Variants in ANKS1A observed in about 807,000 individuals in gnomAD.
ANKS1A encodes the protein ankyrin repeat and sterile alpha motif domain containing 1A, also known as ankyrin repeat and SAM domain-containing protein 1A.
A neutral mutation model predicts 120.3 loss-of-function variants in ANKS1A; 55 were observed. The ratio of observed to expected loss-of-function variants is 0.46; its 90% CI spans 0.37 to 0.57. The LOEUF (loss-of-function observed/expected upper bound fraction) is 0.57, where lower values mean the gene tolerates loss of function less well. Ranked by LOEUF, ANKS1A falls within the 20% of genes least tolerant of loss-of-function variation. The pLI is 0.00. For missense variants in ANKS1A, 1,123 were observed against 1,480.3 expected (o/e 0.76, Z 3.96); for synonymous variants, 590 against 604.7 (o/e 0.98, Z 0.36).
Position 35,091,328 on chromosome 6 carries a change from A to C in ANKS1A, c.*2719A>C. On this transcript the variant is annotated 3_prime_UTR_variant, in exon 24 of 24. Coordinates refer to ENST00000360359, the MANE Select transcript of ANKS1A (RefSeq NM_015245.3). ...AGAGTGTAAATATTTCTGGGCTTCC[A>C]GCTTTGGTTTTGTTATTTTCATAAC... The C allele has an allele frequency of 1.0e-6, 1 of 985,758 alleles. No individual in the cohort carries two copies. The highest frequency in any genetic ancestry group is 4.7e-5 in the South Asian group (1 of 21,290). 61.1% of individuals were successfully genotyped at this position (985,758 alleles called of 1,614,324 possible).
chr6:34,898,962 T>C (rs910433002), intron 1 of ANKS1A, among the ~76,000 whole-genome samples: 1 of 152,186 alleles, frequency 6.6e-6, no homozygotes, highest in Non-Finnish European at 1.5e-5. Flanking sequence ...TGCATGTGGA[T>C]AAGTTTGTGT....
intron 1 of ANKS1A, among the ~76,000 whole-genome samples, chr6:34,916,244 C>T (rs111905213): frequency 1.1e-4 from 16 of 152,156 alleles, no homozygotes; most frequent in African/African-American, 3.6e-4. Context: ...CCATCTGCCT[C>T]GGCCTCCTAA....
intron 3 of ANKS1A, among the ~76,000 whole-genome samples, chr6:34,976,720 T>C (rs899620607): frequency 1.3e-5 from 2 of 152,122 alleles, no homozygotes; most frequent in African/African-American, 2.4e-5. Flanking sequence ...TACACTCTTC[T>C]TGATACTACA....
At position 35,091,073 on chromosome 6, in the gene ANKS1A, A is replaced by C. The variant is rs983917867; in HGVS notation, c.*2464A>C. On this transcript the variant is annotated 3_prime_UTR_variant, in exon 24 of 24. Transcript: ENST00000360359. ...GGTCTGTCTTTGAGATGCCCAGGCC[A>C]GCAGAAAGCAGCTCAGAAGTATTGT... is the stretch of plus-strand genomic sequence containing the variant. 1.0e-6 allele frequency: 1 copy of C among 985,818 alleles called. No individual in the cohort carries two copies. Among genetic ancestry groups the C allele is most frequent in the African/African-American group, 1.7e-5 (1 of 57,264 alleles). The allele number at this position is 985,818 out of a possible 1,614,324, so 61.1% of individuals were successfully genotyped here.
chr6:34,889,369 CG>C lies in ANKS1A; in HGVS notation c.-30del. ...GCCCGAGCAGGCTCGGCTGCAGCCTCGGGGAGGGGGTCCAGCGGGTGGCGGC... is the reference window on the plus strand; with the variant it reads ...GCCCGAGCAGGCTCGGCTGCAGCCTCGGGAGGGGGTCCAGCGGGTGGCGGC... On this transcript the variant is annotated 5_prime_UTR_variant, in exon 1 of 24. Coordinates refer to ENST00000360359, the MANE Select transcript of ANKS1A (RefSeq NM_015245.3). This position sits in a 1 kb window ranked among gnomAD's most constrained non-coding sequence, Gnocchi z 5.5. 8.0e-7 allele frequency: 1 copy of C among 1,248,572 alleles called. No homozygotes were observed. The highest frequency in any genetic ancestry group is 1.0e-6 in the Non-Finnish European group (1 of 998,690). 77.3% of individuals were successfully genotyped at this position (1,248,572 alleles called of 1,614,324 possible). A position where few individuals can be genotyped will look rare whatever the true frequency, so the allele number is the denominator to read the frequency against.
chr6:35,004,409 G>T (rs1421467685), intron 10 of ANKS1A, among the ~76,000 whole-genome samples: 1 of 151,602 alleles, frequency 6.6e-6, no homozygotes, highest in East Asian at 1.9e-4. Flanking sequence ...AATCACTTGA[G>T]CCCAGGAGCT....
chr6:35,037,528 C>T (rs1218569857), intron 11 of ANKS1A, among the ~76,000 whole-genome samples: 1 of 152,190 alleles, frequency 6.6e-6, no homozygotes, highest in Non-Finnish European at 1.5e-5. Context: ...CAGCAGGTTA[C>T]CCCTTGGGCC....
intron 10 of ANKS1A, among the ~76,000 whole-genome samples, chr6:35,003,625 C>G (rs978837978): frequency 2.6e-5 from 4 of 152,150 alleles, no homozygotes; most frequent in African/African-American, 9.7e-5. Context: ...GTAATAGGAA[C>G]CTGCTTACTG....
At chr6:34,939,269 T>C (rs1769412455) in intron 1 of ANKS1A, among the ~76,000 whole-genome samples, 2 of 152,152 alleles carry the variant, frequency 1.3e-5, no homozygotes, top group African/African-American at 4.8e-5. Context: ...CAGATCAGAA[T>C]GCACACCTCC....
rs190660942 is a variant in ANKS1A at position 34,934,966 on chromosome 6, C to T, written c.198-32273C>T. Among the ~76,000 whole-genome samples, 34 of 152,278 alleles carry T rather than the reference C, an allele frequency of 2.2e-4. No individual in the cohort carries two copies. In the East Asian group the frequency reaches 6.5e-3, roughly 29 times the overall value. ...TTTGTTTTTATTTTCCTTCTTAGAA[C>T]AGTGGCCATGTGAAGCCATTCATAT... On this transcript the variant is annotated intron_variant, in intron 1 of 23. Transcript: ENST00000360359.
At chr6:35,013,758 T>C (rs1230579976) in intron 10 of ANKS1A, among the ~76,000 whole-genome samples, 1 of 152,210 alleles carries the variant, frequency 6.6e-6, no homozygotes, top group Non-Finnish European at 1.5e-5. Context: ...CTGTTCAGAG[T>C]TATAAGGATG....
chr6:34,963,274 C>T (rs2127503309), intron 1 of ANKS1A, among the ~76,000 whole-genome samples: 1 of 152,278 alleles, frequency 6.6e-6, no homozygotes, highest in East Asian at 1.9e-4. Context: ...CCAACATCTC[C>T]CCAACATCAC....
intron 10 of ANKS1A, among the ~76,000 whole-genome samples, chr6:35,013,244 A>G (rs1440498663): frequency 3.3e-5 from 5 of 152,176 alleles, no homozygotes; most frequent in Non-Finnish European, 7.3e-5. Context: ...CATATGATTT[A>G]TGCCTGTCTT....
At chr6:34,954,506 C>T (rs1770249779) in intron 1 of ANKS1A, among the ~76,000 whole-genome samples, 2 of 152,164 alleles carry the variant, frequency 1.3e-5, no homozygotes, top group South Asian at 2.1e-4. Context: ...GAAGAAGGAA[C>T]TCCTTGCTGG....
In ANKS1A at chr6:35,082,963, G is replaced by A; in HGVS notation, c.2835+147G>A. 7.1e-7 allele frequency: 1 copy of A among 1,399,060 alleles called. No homozygotes were observed. Among genetic ancestry groups the A allele is most frequent in the Non-Finnish European group, 9.6e-7 (1 of 1,042,402 alleles). 86.7% of individuals were successfully genotyped at this position (1,399,060 alleles called of 1,614,324 possible). A position where few individuals can be genotyped will look rare whatever the true frequency, so the allele number is the denominator to read the frequency against. On this transcript the variant is annotated intron_variant, in intron 18 of 23. Coordinates refer to ENST00000360359, the MANE Select transcript of ANKS1A (RefSeq NM_015245.3). The surrounding 1 kb of genome is among the most constrained non-coding windows in gnomAD (Gnocchi z 4.1). Reference sequence around the variant, plus strand: ...ACTCTCAGCCACTCTTGACAGCTAAGGCGAAGGGGTGGAGGCCTCTGGATC... The same window carrying A: ...ACTCTCAGCCACTCTTGACAGCTAAAGCGAAGGGGTGGAGGCCTCTGGATC...
intron 1 of ANKS1A, among the ~76,000 whole-genome samples, chr6:34,900,237 T>C (rs1767281839): frequency 6.6e-6 from 1 of 152,210 alleles, no homozygotes. Flanking sequence ...TCCAAAACTT[T>C]TGCTTATAAA....
rs1278795606 is a variant in ANKS1A, at chr6:35,086,532, T to C, written c.3304-420T>C. Among the ~76,000 whole-genome samples the C allele has an allele frequency of 6.6e-6, 1 of 151,946 alleles. No homozygotes were observed. Among genetic ancestry groups the C allele is most frequent in the African/African-American group, 2.4e-5 (1 of 41,348 alleles). On this transcript the variant is annotated intron_variant, in intron 22 of 23. Coordinates refer to ENST00000360359, the MANE Select transcript of ANKS1A (RefSeq NM_015245.3). The surrounding 1 kb of genome is among the most constrained non-coding windows in gnomAD (Gnocchi z 5.1). ...TGCTTCAGCCCTCTCTGTTTTTCTG[T>C]TGTGTGTCCTCTCTCCAGAGGTCTG...
At chr6:34,926,315 T>A (rs1438963581) in intron 1 of ANKS1A, among the ~76,000 whole-genome samples, 1 of 152,126 alleles carries the variant, frequency 6.6e-6, no homozygotes. Flanking sequence ...GGCAGCAGCA[T>A]GGGAAATTTT....
At chr6:35,083,644 C>T (rs1254702932) in intron 20 of ANKS1A, 141 bp downstream of exon 20, 1 of 787,930 alleles carries the variant, frequency 1.3e-6, no homozygotes, top group East Asian at 2.6e-5. Context: ...TTACTTCCCA[C>T]TTTGCTAAGA....
Sources: gnomAD v4.1 joint callset for allele counts (sites outside exome capture counted in the v4.1 genomes callset) on GRCh38, gnomAD v4.1.1 for gene constraint, Gnocchi (gnomAD v3.1) non-coding constraint, MANE v1.5 for transcripts, NCBI Gene and HGNC (gene_info 2026-07-23, HGNC 2026-07-21) for gene names.